The following GUCY2F variants were observed in gnomAD, a reference collection of about 807,000 sequenced individuals.
GUCY2F encodes guanylate cyclase 2F, retinal, also known as retinal guanylyl cyclase 2.
GUCY2F carries 61 observed loss-of-function variants against 73.1 expected under a neutral mutation model. The ratio of observed to expected loss-of-function variants is 0.83; its 90% CI spans 0.68 to 1.03. The LOEUF (loss-of-function observed/expected upper bound fraction) is 1.03, where lower values mean the gene tolerates loss of function less well. GUCY2F is among the 50% of genes least tolerant of loss of function. The pLI is 0.00. For missense variants in GUCY2F, 912 were observed against 854.3 expected, an observed-to-expected ratio of 1.07 and a Z score of -0.84; for synonymous variants, 331 against 307.8, an observed-to-expected ratio of 1.08 and a Z score of -0.79.
chrX:109,459,925 A>C (rs1035505514), intron 3 of GUCY2F, among the ~76,000 whole-genome samples: 2 of 111,589 alleles, frequency 1.8e-5, no homozygotes, highest in African/African-American at 6.5e-5. Flanking sequence ...GCAGAAGAAA[A>C]CTTCAAAAAA....
At chrX:109,457,446 C>T (rs1332705017) in intron 3 of GUCY2F, among the ~76,000 whole-genome samples, 2 of 111,928 alleles carry the variant, frequency 1.8e-5, no homozygotes, top group African/African-American at 3.3e-5. Flanking sequence ...CAGGCACATG[C>T]ACAGATCAAG....
At chrX:109,429,231 G>A (rs1056259409) in intron 8 of GUCY2F, among the ~76,000 whole-genome samples, 1 of 111,075 alleles carries the variant, frequency 9.0e-6, no homozygotes, top group African/African-American at 3.3e-5. Flanking sequence ...GACCAACATG[G>A]TGAAACCCTG....
chrX:109,418,247 G>A (rs1931290396), intron 8 of GUCY2F, among the ~76,000 whole-genome samples: 1 of 111,617 alleles, frequency 9.0e-6, no homozygotes, highest in Non-Finnish European at 1.9e-5. Context: ...AATTGATAAA[G>A]CATATTGACA....
rs1932067069 is a variant in GUCY2F at position 109,448,257 on chromosome X, T to C, written c.1473-92A>G. 9.3e-6 allele frequency: 4 copies of C among 430,257 alleles called. No homozygotes were observed. In the East Asian group the frequency reaches 1.6e-4, roughly 17 times the overall value. The allele number at this position is 430,257 out of a possible 1,213,427, so 35.5% of individuals were successfully genotyped here. A position where few individuals can be genotyped will look rare whatever the true frequency, so the allele number is the denominator to read the frequency against. ...GCCCTAAGATAGCACTTAAAGAATA[T>C]ACAAGGTATACAAGGTAATTGGGAG... On this transcript the variant is annotated intron_variant, in intron 5 of 19. Transcript: ENST00000218006.
chrX:109,473,636 C>A (rs1932619205), intron 2 of GUCY2F, among the ~76,000 whole-genome samples: 1 of 111,552 alleles, frequency 9.0e-6, no homozygotes, highest in African/African-American at 3.3e-5. Context: ...TGTGCATTTG[C>A]TCCCTCCCTG....
At chrX:109,429,510 G>A (rs1931565602) in intron 8 of GUCY2F, among the ~76,000 whole-genome samples, 1 of 111,517 alleles carries the variant, frequency 9.0e-6, no homozygotes, top group Admixed American at 9.5e-5. Flanking sequence ...CAGGCCACAT[G>A]TCTTCCATTT....
chrX:109,405,606 C>A (rs762431983), intron 9 of GUCY2F, among the ~76,000 whole-genome samples: 1 of 111,830 alleles, frequency 8.9e-6, no homozygotes, highest in Admixed American at 9.5e-5. Context: ...CCCCTTTGTA[C>A]TTGGAATTCT....
chrX:109,476,085 T>G, intron 1 of GUCY2F, 64 bp from the exon 2 acceptor site: 1 of 459,072 alleles, frequency 2.2e-6, no homozygotes, highest in Non-Finnish European at 3.3e-6. Flanking sequence ...AATCATCGGT[T>G]GTGAAAGAAT....
chrX:109,374,249 T>C (rs1051643904), intron 19 of GUCY2F, among the ~76,000 whole-genome samples: 3 of 111,909 alleles, frequency 2.7e-5, no homozygotes, highest in Non-Finnish European at 5.6e-5. Context: ...GTGATTTGTA[T>C]AGGCCACCAA....
At chrX:109,438,896 G>A (rs1259157361) in intron 7 of GUCY2F, among the ~76,000 whole-genome samples, 3 of 112,569 alleles carry the variant, frequency 2.7e-5, no homozygotes, top group Admixed American at 9.3e-5. Context: ...TTGCGGTGGC[G>A]CAGACCCCAA....
At chrX:109,409,281 C>T in intron 8 of GUCY2F, 113 bp from the exon 9 acceptor site, 1 of 449,628 alleles carries the variant, frequency 2.2e-6, no homozygotes, top group Non-Finnish European at 3.9e-6. Flanking sequence ...GTGTGGTTGA[C>T]AGAATTTTGA....
chrX:109,404,360 A>G lies in GUCY2F; in HGVS notation c.2093T>C (p.Leu698Pro), dbSNP rs1342451786. ...AGAAGATTCCTCTTCAGAGAGTCTCAGCATTTCTAAGATGTCGTTAAAGCC... is the reference window on the plus strand; with the variant it reads ...AGAAGATTCCTCTTCAGAGAGTCTCGGCATTTCTAAGATGTCGTTAAAGCC... ...DYGFNDILEM[L>P]RLSEEESSME... Residue 698 changes from leucine to proline, a missense_variant, in exon 10 of 20, where the codon CTG (leucine) becomes CCG (proline). Coordinates refer to ENST00000218006, the MANE Select transcript of GUCY2F (RefSeq NM_001522.3). The G allele has an allele frequency of 1.2e-5, 14 of 1,197,371 alleles. No individual in the cohort carries two copies. Among genetic ancestry groups the G allele is most frequent in the Non-Finnish European group, 1.6e-5 (14 of 883,835 alleles).
intron 3 of GUCY2F, among the ~76,000 whole-genome samples, chrX:109,463,982 A>G (rs1364928115): frequency 8.9e-6 from 1 of 112,597 alleles, no homozygotes; most frequent in Non-Finnish European, 1.9e-5. Context: ...ATTTTGAAAA[A>G]GAATTATTAC....
intron 3 of GUCY2F, 97 bp downstream of exon 3, chrX:109,465,045 G>A (rs1237351141): frequency 1.7e-6 from 1 of 599,290 alleles, no homozygotes; most frequent in Non-Finnish European, 2.6e-6. Flanking sequence ...GCCATTGACT[G>A]GGCCTCCTAT....
intron 8 of GUCY2F, among the ~76,000 whole-genome samples, chrX:109,413,683 C>G (rs1290399072): frequency 9.0e-6 from 1 of 111,242 alleles, no homozygotes; most frequent in African/African-American, 3.3e-5. Context: ...AACACGACAC[C>G]TTTAAGCATA....
chrX:109,385,221 A>G lies in GUCY2F; in HGVS notation c.3018T>C (p.Thr1006=). 1 of 1,192,288 alleles carries G rather than the reference A, an allele frequency of 8.4e-7. No individual in the cohort carries two copies. Among genetic ancestry groups the G allele is most frequent in the Non-Finnish European group, 1.1e-6 (1 of 878,895 alleles). Residue 1006 remains threonine, a synonymous_variant, in exon 16 of 20, where the codon ACT becomes ACC. Transcript: ENST00000218006. ...TMPRYCLFGD[T]VNTASRMEST... ...ATTCCATCCGAGAAGCTGTGTTCAC[A>G]GTGTCTCCAAACAAGCAGTATCTGG... is the stretch of plus-strand genomic sequence containing the variant.
Position 109,382,173 on chromosome X carries a change from A to G in GUCY2F, c.3095T>C (p.Leu1032Pro), listed in dbSNP as rs1460830043. The G allele has an allele frequency of 8.4e-7, 1 of 1,187,857 alleles. No individual in the cohort carries two copies. The highest frequency in any genetic ancestry group is 1.1e-6 in the Non-Finnish European group (1 of 873,591). Residue 1032 changes from leucine (L) to proline (P), a missense_variant, in exon 17 of 20, where the codon CTT becomes CCT. Transcript: ENST00000218006. ...TTCATAGCCCTCACTCAGATTTTGA[A>G]GAATTGTAACAGTGCTGAGACTGAC... is the stretch of plus-strand genomic sequence containing the variant. ...IHVSLSTVTILQNLSEGYEVE... is the reference protein window; with the variant it reads ...IHVSLSTVTIPQNLSEGYEVE...
At chrX:109,416,513 G>T (rs1160762670) in intron 8 of GUCY2F, among the ~76,000 whole-genome samples, 1 of 39,592 alleles carries the variant, frequency 2.5e-5, no homozygotes, top group Non-Finnish European at 4.6e-5. Flanking sequence ...AGGGAAAAAG[G>T]ATAAGTGGGG....
In GUCY2F at chrX:109,400,566, T is replaced by C. The variant is rs150050967; in HGVS notation, c.2126-1868A>G. On this transcript the variant is annotated intron_variant, in intron 10 of 19. Coordinates refer to ENST00000218006, the MANE Select transcript of GUCY2F (RefSeq NM_001522.3). ...GAGAAATCCACCATGGAAATTCTTA[T>C]TTTCAGCCAATCCTGATCAAAATGG... Among the ~76,000 whole-genome samples the C allele has an allele frequency of 8.4e-3, 940 of 111,734 alleles. 3 individuals carry two copies. Among genetic ancestry groups the C allele is most frequent in the Non-Finnish European group, 0.011 (597 of 53,094 alleles).
Sources: gnomAD v4.1 joint callset for allele counts (sites outside exome capture counted in the v4.1 genomes callset) on GRCh38, gnomAD v4.1.1 for gene constraint, MANE v1.5 for transcripts, NCBI Gene and HGNC (gene_info 2026-07-23, HGNC 2026-07-21) for gene names.